The following DAB1 variants were observed in gnomAD, a reference collection of about 807,000 sequenced individuals.
The protein encoded by DAB1 is DAB adaptor protein 1.
A neutral mutation model predicts 64.6 loss-of-function variants in DAB1; 15 were observed. That is an observed-to-expected ratio of 0.23 (90% CI 0.16 to 0.36). The LOEUF (loss-of-function observed/expected upper bound fraction) is 0.36, where lower values mean the gene tolerates loss of function less well. Ranked by LOEUF, DAB1 falls within the 10% of genes least tolerant of loss-of-function variation. DAB1 has a pLI of 1.00. For synonymous variants in DAB1, 235 were observed against 251.9 expected, an observed-to-expected ratio of 0.93 and a Z score of 0.64; for missense variants, 596 against 706.7, an observed-to-expected ratio of 0.84 and a Z score of 1.78.
At chr1:58,118,569 TATATATATAC>T (rs1182057875) in intron 5 of DAB1, among the ~76,000 whole-genome samples, 1 of 94,044 alleles carries the variant, frequency 1.1e-5, no homozygotes, top group African/African-American at 5.3e-5. Context: ...AAAATACATA[TATATATATAC>T]ATATATATAT....
chr1:58,299,814 C>T (rs568671877), intron 4 of DAB1, among the ~76,000 whole-genome samples: 1 of 152,262 alleles, frequency 6.6e-6, no homozygotes, highest in South Asian at 2.1e-4. Flanking sequence ...TTCTTGCCTA[C>T]CAAAGACTGA....
chr1:57,695,987 G>C (rs752210829), intron 6 of DAB1, among the ~76,000 whole-genome samples: 7 of 152,178 alleles, frequency 4.6e-5, no homozygotes, highest in Non-Finnish European at 5.9e-5. Context: ...ATTTAACTCT[G>C]AAGCTATTAT....
chr1:58,217,173 C>A (rs1261937734), intron 4 of DAB1, among the ~76,000 whole-genome samples: 1 of 152,168 alleles, frequency 6.6e-6, no homozygotes, highest in East Asian at 1.9e-4. Context: ...TTTCTGCCTG[C>A]ATTTTATGAG....
upstream of DAB1, among the ~76,000 whole-genome samples, chr1:57,888,343 C>CTGTA (rs1389868333): frequency 4.6e-5 from 7 of 152,142 alleles, no homozygotes; most frequent in Non-Finnish European, 1.5e-5. Flanking sequence ...CCTACTTATA[C>CTGTA]TCCCCATCAG....
intron 4 of DAB1, among the ~76,000 whole-genome samples, chr1:58,164,630 T>C (rs928395789): frequency 6.6e-6 from 1 of 152,224 alleles, no homozygotes; most frequent in Admixed American, 6.5e-5. Flanking sequence ...GTGATTCTCA[T>C]GCACACATGA....
At chr1:57,865,084 T>G (rs1178824971) in intron 1 of DAB1, 1 of 152,148 alleles carries the variant, frequency 6.6e-6, no homozygotes, top group African/African-American at 2.4e-5. Flanking sequence ...CAGGCAGGCT[T>G]CTTTCATCTT....
At chr1:57,820,114 C>T (rs1341976556) in intron 6 of DAB1, among the ~76,000 whole-genome samples, 1 of 152,162 alleles carries the variant, frequency 6.6e-6, no homozygotes, top group African/African-American at 2.4e-5. Context: ...TGTTCACAGG[C>T]GTCAAACTAG....
intron 5 of DAB1, among the ~76,000 whole-genome samples, chr1:58,149,256 A>G (rs78212224): frequency 0.017 from 2,522 of 152,270 alleles, 67 homozygotes; most frequent in South Asian, 0.1. Flanking sequence ...CTAGTGAACA[A>G]GAGATTCTAA....
intron 9 of DAB1, among the ~76,000 whole-genome samples, chr1:57,060,125 T>TTTATTTTATTTTATTTTATTTTA (rs1650227271): frequency 1.5e-5 from 2 of 135,904 alleles, no homozygotes; most frequent in African/African-American, 2.7e-5. Flanking sequence ...ATTCATATAT[T>TTTATTTTATTTTATTTTATTTTA]TTTTATTTTA....
intron 1 of DAB1, among the ~76,000 whole-genome samples, chr1:57,316,586 C>T (rs765101643): frequency 4.5e-4 from 69 of 152,030 alleles, no homozygotes; most frequent in Non-Finnish European, 8.7e-4. Context: ...CACAAGCTCT[C>T]AGGTGGCCTA....
At chr1:58,528,398 G>A (rs1646383810) in intron 1 of DAB1, among the ~76,000 whole-genome samples, 1 of 152,166 alleles carries the variant, frequency 6.6e-6, no homozygotes, top group Admixed American at 6.6e-5. Flanking sequence ...CTGCAGAGGG[G>A]ATTAAATGAA....
intron 5 of DAB1, among the ~76,000 whole-genome samples, chr1:57,933,755 T>G (rs1465386518): frequency 3.9e-5 from 6 of 152,192 alleles, no homozygotes; most frequent in Non-Finnish European, 4.4e-5. Flanking sequence ...GCAGAACTGC[T>G]GGGTCATTGG....
At chr1:57,332,710 G>A (rs1676772363) in intron 1 of DAB1, among the ~76,000 whole-genome samples, 1 of 152,100 alleles carries the variant, frequency 6.6e-6, no homozygotes, top group South Asian at 2.1e-4. Context: ...CATGAGGCAG[G>A]GCTTCTTACC....
intron 7 of DAB1, among the ~76,000 whole-genome samples, chr1:57,638,448 G>C (rs1481521631): frequency 6.6e-6 from 1 of 152,160 alleles, no homozygotes; most frequent in Non-Finnish European, 1.5e-5. Flanking sequence ...TGGTGTGCAA[G>C]TCCCTGCTCT....
intron 5 of DAB1, among the ~76,000 whole-genome samples, chr1:58,141,103 T>C (rs1028997363): frequency 2.6e-5 from 4 of 152,096 alleles, no homozygotes; most frequent in African/African-American, 9.7e-5. Context: ...GGAGCAGGCA[T>C]ATCACATGGC....
chr1:58,072,341 A>G (rs1649328967), intron 5 of DAB1, among the ~76,000 whole-genome samples: 1 of 152,202 alleles, frequency 6.6e-6, no homozygotes, highest in Admixed American at 6.5e-5. Flanking sequence ...TCACACCAAT[A>G]TGGAGGTAGT....
intron 3 of DAB1, chr1:58,480,946 G>T: frequency 3.6e-6 from 3 of 844,720 alleles, no homozygotes; most frequent in Middle Eastern, 2.9e-4. Context: ...CATATATCTT[G>T]TGTCTCATAA....
intron 2 of DAB1, among the ~76,000 whole-genome samples, chr1:57,234,346 A>G (rs1667927350): frequency 6.6e-6 from 1 of 152,202 alleles, no homozygotes; most frequent in Non-Finnish European, 1.5e-5. Flanking sequence ...CCTGACTCTC[A>G]GTGGTTCTGT....
chr1:58,019,524 G>A (rs188503787), intron 5 of DAB1, among the ~76,000 whole-genome samples: 25 of 152,242 alleles, frequency 1.6e-4, no homozygotes. Flanking sequence ...TAATAAGCTA[G>A]ACACTATCCT....
Sources: gnomAD v4.1 joint callset for allele counts (sites outside exome capture counted in the v4.1 genomes callset) on GRCh38, gnomAD v4.1.1 for gene constraint, MANE v1.5 for transcripts, NCBI Gene and HGNC (gene_info 2026-07-23, HGNC 2026-07-21) for gene names.